The following LAMA2 variants were observed in gnomAD, a reference collection of about 807,000 sequenced individuals.
LAMA2 encodes the protein laminin subunit alpha 2, also known as laminin subunit alpha-2.
LAMA2 carries 269 observed loss-of-function variants against 364.8 expected under a neutral mutation model. The observed-to-expected ratio is 0.74, with a 90% confidence interval of 0.67 to 0.82. The LOEUF (loss-of-function observed/expected upper bound fraction) is 0.82, where lower values mean the gene tolerates loss of function less well. LAMA2 is among the 40% of genes least tolerant of loss of function. The pLI is 0.00. For missense variants in LAMA2, 3,807 were observed against 3,873.2 expected (o/e 0.98, Z 0.45); for synonymous variants, 1,379 against 1,370.6 (o/e 1.01, Z -0.14).
chr6:128,937,002 C>A (rs911277882), intron 1 of LAMA2, among the ~76,000 whole-genome samples: 1 of 152,096 alleles, frequency 6.6e-6, no homozygotes, highest in African/African-American at 2.4e-5. Context: ...TGGGAGGAAA[C>A]AGGACAGTGT....
chr6:129,373,996 C>T (rs1467036772), intron 34 of LAMA2, among the ~76,000 whole-genome samples: 15 of 151,982 alleles, frequency 9.9e-5, no homozygotes, highest in South Asian at 2.1e-4. Flanking sequence ...ACATAAAAGG[C>T]GCAGAAATAG....
At chr6:129,135,018 G>C (rs1391290662) in intron 4 of LAMA2, among the ~76,000 whole-genome samples, 1 of 152,140 alleles carries the variant, frequency 6.6e-6, no homozygotes, top group African/African-American at 2.4e-5. Flanking sequence ...GGCACCGTCG[G>C]ATCCCATGAC....
At chr6:129,410,227 T>G (rs1780460006) in intron 40 of LAMA2, among the ~76,000 whole-genome samples, 1 of 152,196 alleles carries the variant, frequency 6.6e-6, no homozygotes, top group East Asian at 1.9e-4. Flanking sequence ...TTTCCTTCCT[T>G]TCCTCCCTTT....
chr6:129,317,026 A>G (rs1438681840), intron 27 of LAMA2, among the ~76,000 whole-genome samples: 1 of 152,232 alleles, frequency 6.6e-6, no homozygotes, highest in East Asian at 1.9e-4. Flanking sequence ...TGGATTAGTA[A>G]TGAGGAAAAT....
At chr6:129,143,493 T>A (rs1417820488) in intron 4 of LAMA2, among the ~76,000 whole-genome samples, 2 of 152,056 alleles carry the variant, frequency 1.3e-5, no homozygotes, top group African/African-American at 4.8e-5. Context: ...GTTCCTTTTT[T>A]AATCTGATAT....
At chr6:129,079,975 A>G (rs1773934480) in intron 3 of LAMA2, among the ~76,000 whole-genome samples, 2 of 152,146 alleles carry the variant, frequency 1.3e-5, no homozygotes, top group South Asian at 4.1e-4. Flanking sequence ...CAGTTAGTAA[A>G]TGAACTCTTT....
chr6:129,339,825 A>G (rs777854742), intron 29 of LAMA2, among the ~76,000 whole-genome samples: 6 of 152,242 alleles, frequency 3.9e-5, no homozygotes, highest in Middle Eastern at 3.4e-3. Flanking sequence ...CAGCATGGTG[A>G]AACCCCGTCT....
chr6:129,107,612 CAATAAT>C (rs201586144), intron 4 of LAMA2, among the ~76,000 whole-genome samples: 2 of 151,996 alleles, frequency 1.3e-5, no homozygotes, highest in Admixed American at 6.6e-5. Context: ...AAAACCACAA[CAATAAT>C]AATAATAATA....
At chr6:128,994,803 C>CA (rs1783824208) in intron 1 of LAMA2, among the ~76,000 whole-genome samples, 1 of 151,998 alleles carries the variant, frequency 6.6e-6, no homozygotes, top group South Asian at 2.1e-4. Flanking sequence ...CATTATATGT[C>CA]AGATGAAATA....
rs777836126 is a variant in LAMA2, at chr6:129,050,065, A to C, written c.260A>C (p.Asn87Thr). 6.2e-7 allele frequency: 1 copy of C among 1,614,204 alleles called. No individual in the cohort carries two copies. The highest frequency in any genetic ancestry group is 8.5e-7 in the Non-Finnish European group (1 of 1,180,024). Reference protein sequence around the residue: ...PVRNPQCRICNQNSSNPNQRH... With the variant: ...PVRNPQCRICTQNSSNPNQRH... ...AGGAACCCGCAGTGTCGAATCTGCAATCAAAACAGCAGCAATCCAAACCGT... is the reference window on the plus strand; with the variant it reads ...AGGAACCCGCAGTGTCGAATCTGCACTCAAAACAGCAGCAATCCAAACCGT... Residue 87 changes from asparagine (N) to threonine (T), a missense_variant, in exon 2 of 65, where the codon AAT becomes ACT. This residue lies in a region of LAMA2 where 394 missense variants were observed against 403.5 expected (regional missense o/e 0.98). Coordinates refer to ENST00000421865, the MANE Select transcript of LAMA2 (RefSeq NM_000426.4).
At chr6:129,372,853 T>A (rs1355008261) in intron 34 of LAMA2, among the ~76,000 whole-genome samples, 1 of 152,216 alleles carries the variant, frequency 6.6e-6, no homozygotes, top group African/African-American at 2.4e-5. Context: ...TAAGTGTGTA[T>A]GGTATCTCAT....
chr6:129,047,603 G>T (rs73596753), intron 1 of LAMA2, among the ~76,000 whole-genome samples: 6,505 of 152,160 alleles, frequency 0.043, 468 homozygotes, highest in African/African-American at 0.15. Context: ...ATTCTTTGGG[G>T]GCAGCTCTTT....
intron 1 of LAMA2, among the ~76,000 whole-genome samples, chr6:128,990,446 G>A (rs12204661): frequency 0.14 from 21,095 of 152,116 alleles, 1,625 homozygotes; most frequent in South Asian, 0.19. Context: ...TTTAGAGCCT[G>A]GCTTGCTGTC....
chr6:129,430,355 GT>G (rs1217048862), intron 41 of LAMA2, among the ~76,000 whole-genome samples: 2 of 152,142 alleles, frequency 1.3e-5, no homozygotes, highest in Non-Finnish European at 2.9e-5. Context: ...AGTTCAGTTA[GT>G]TTGTGAGCTT....
At chr6:129,130,750 A>G (rs1178047970) in intron 4 of LAMA2, among the ~76,000 whole-genome samples, 1 of 152,218 alleles carries the variant, frequency 6.6e-6, no homozygotes, top group Non-Finnish European at 1.5e-5. Context: ...CATAATCATG[A>G]CATCAAATAA....
intron 40 of LAMA2, among the ~76,000 whole-genome samples, chr6:129,404,559 T>C (rs924821817): frequency 6.6e-6 from 1 of 152,190 alleles, no homozygotes; most frequent in African/African-American, 2.4e-5. Flanking sequence ...CCTTCAATGG[T>C]GACAAATCTT....
At chr6:129,340,884 T>C (rs1488534201) in intron 29 of LAMA2, among the ~76,000 whole-genome samples, 3 of 149,110 alleles carry the variant, frequency 2.0e-5, no homozygotes, top group Admixed American at 6.7e-5. Flanking sequence ...AAGAAAAGAC[T>C]TGTACCTTGT....
rs759520507 is a variant in LAMA2 at position 129,049,895 on chromosome 6, C to T, written c.113-23C>T. The T allele has an allele frequency of 3.7e-5, 59 of 1,608,538 alleles. 1 individual carries two copies. In the South Asian group the frequency reaches 6.3e-4, roughly 17 times the overall value. On this transcript the variant is annotated intron_variant, in intron 1 of 64. Transcript: ENST00000421865. ...CTAACTTTGTTTCTGGTCTACACACCTTCATTTGTCCATCTTTTTCAGGTT... is the reference window on the plus strand; with the variant it reads ...CTAACTTTGTTTCTGGTCTACACACTTTCATTTGTCCATCTTTTTCAGGTT...
intron 1 of LAMA2, among the ~76,000 whole-genome samples, chr6:128,956,406 T>G (rs756018493): frequency 1.1e-4 from 17 of 151,984 alleles, no homozygotes; most frequent in Non-Finnish European, 1.9e-4. Flanking sequence ...GCAGCCTTCA[T>G]AGTTATTCTG....
Sources: gnomAD v4.1 joint callset for allele counts (sites outside exome capture counted in the v4.1 genomes callset) on GRCh38, gnomAD v4.1.1 for gene constraint, gnomAD v4.1.1 regional missense constraint, MANE v1.5 for transcripts, NCBI Gene and HGNC (gene_info 2026-07-23, HGNC 2026-07-21) for gene names.